Variants in DRD2 observed in about 807,000 individuals in gnomAD.
The protein encoded by DRD2 is dopamine receptor D2, also known as D(2) dopamine receptor.
DRD2 carries 8 observed loss-of-function variants against 38.0 expected under a neutral mutation model. The ratio of observed to expected loss-of-function variants is 0.21; its 90% confidence interval spans 0.12 to 0.38. The LOEUF (loss-of-function observed/expected upper bound fraction) is 0.38, where lower values mean the gene tolerates loss of function less well. Ranked by LOEUF, DRD2 falls within the 10% of genes least tolerant of loss-of-function variation. The pLI is 1.00. For synonymous variants in DRD2, 230 were observed against 238.6 expected (o/e 0.96, Z 0.33); for missense variants, 403 against 607.7 (o/e 0.66, Z 3.54).
At chr11:113,439,442 A>C (rs1384838536) in intron 1 of DRD2, among the ~76,000 whole-genome samples, 1 of 152,186 alleles carries the variant, frequency 6.6e-6, no homozygotes, top group Non-Finnish European at 1.5e-5. Flanking sequence ...AGTTGTTCCT[A>C]TTTTAATGGT....
In DRD2 at chr11:113,416,878, C is replaced by T. The variant is rs773041317; in HGVS notation, c.517G>A (p.Gly173Arg). 3.7e-6 allele frequency: 6 copies of T among 1,613,886 alleles called. No homozygotes were observed. The highest frequency in any genetic ancestry group is 1.3e-5 in the African/African-American group (1 of 74,938). The part of the protein sequence containing the change: ...SFTISCPLLF[G>R]LNNADQNECI... Reference sequence around the variant, plus strand: ...CAGAATGTACCTGCGTTATTGAGTCCGAAGAGGAGTGGGCAGGAGATGGTG... The same window carrying T: ...CAGAATGTACCTGCGTTATTGAGTCTGAAGAGGAGTGGGCAGGAGATGGTG... Residue 173 changes from glycine to arginine, a missense_variant, in exon 4 of 8, where the codon GGA becomes AGA. Gly to Arg is a moderately radical substitution (Grantham distance 125). Transcript: ENST00000362072.
Position 113,429,554 on chromosome 11 carries a change from C to T in DRD2, c.-31-4872G>A, listed in dbSNP as rs148535178. Among the ~76,000 whole-genome samples, 1,506 of 152,272 alleles carry T rather than the reference C, an allele frequency of 9.9e-3. 23 individuals are homozygous for T. The highest frequency in any genetic ancestry group is 0.051 in the Middle Eastern group (15 of 294). The stretch of plus-strand genomic sequence containing the variant: ...GCCACCGCACCCGGCCAGTACAGGG[C>T]TATCTTTTAACACCTGGTGTCAGTC... On this transcript the variant is annotated intron_variant, in intron 1 of 7. Transcript: ENST00000362072.
At chr11:113,455,794 T>C (rs1489804240) in intron 1 of DRD2, among the ~76,000 whole-genome samples, 1 of 152,232 alleles carries the variant, frequency 6.6e-6, no homozygotes, top group Non-Finnish European at 1.5e-5. Flanking sequence ...CCACAAATGG[T>C]AACAAGGATG....
chr11:113,469,546 TAC>T (rs1404576451), intron 1 of DRD2, among the ~76,000 whole-genome samples: 1 of 152,220 alleles, frequency 6.6e-6, no homozygotes, highest in Non-Finnish European at 1.5e-5. Context: ...GCAAACCACT[TAC>T]CTTTCTAAGC....
intron 1 of DRD2, among the ~76,000 whole-genome samples, chr11:113,425,794 T>A (rs1306821040): frequency 1.3e-5 from 2 of 151,488 alleles, no homozygotes; most frequent in African/African-American, 4.9e-5. Context: ...GCCTGCTAAA[T>A]GAGAGGGGTG....
At chr11:113,446,047 C>T (rs2119878696) in intron 1 of DRD2, among the ~76,000 whole-genome samples, 1 of 152,258 alleles carries the variant, frequency 6.6e-6, no homozygotes, top group African/African-American at 2.4e-5. Flanking sequence ...TTCTCTGTGT[C>T]TGACCTGCAA....
In DRD2 at chr11:113,417,017, C is replaced by T. The variant is rs1229433179; in HGVS notation, c.396-18G>A. The T allele has an allele frequency of 1.9e-6, 3 of 1,612,742 alleles. No individual in the cohort carries two copies. The highest frequency in any genetic ancestry group is 1.1e-5 in the South Asian group (1 of 90,880). On this transcript the variant is annotated intron_variant, in intron 3 of 7. Coordinates refer to ENST00000362072, the MANE Select transcript of DRD2 (RefSeq NM_000795.4). ...CTGTGTACCTGCAAGGGCGGGGGAC[C>T]CTGAATCTGGGGTGCAGGCCCAGGG... is the stretch of plus-strand genomic sequence containing the variant.
At chr11:113,437,679 T>C (rs967780213) in intron 1 of DRD2, among the ~76,000 whole-genome samples, 5 of 152,018 alleles carry the variant, frequency 3.3e-5, no homozygotes, top group South Asian at 2.1e-4. Flanking sequence ...GCACAGGGCA[T>C]GCTCGAGTCT....
chr11:113,412,419 G>T, intron 7 of DRD2, 137 bp downstream of exon 7: 1 of 1,059,542 alleles, frequency 9.4e-7, no homozygotes, highest in South Asian at 1.4e-5. Context: ...TAATAGGGCT[G>T]TCTGTATGTC....
rs886598492 is a variant in DRD2, at chr11:113,422,146, C to T, written c.285+2221G>A. 1.3e-5 allele frequency among the ~76,000 whole-genome samples: 2 copies of T among 152,206 alleles called. 1 individual carries two copies. On this transcript the variant is annotated intron_variant, in intron 2 of 7. Coordinates refer to ENST00000362072, the MANE Select transcript of DRD2 (RefSeq NM_000795.4). The stretch of plus-strand genomic sequence containing the variant: ...CCTCTGGGAAGAGGGTACCTACTTG[C>T]CTGGGGCGAACATAGGGAGTACTCT...
chr11:113,440,030 C>T (rs1951075404), intron 1 of DRD2, among the ~76,000 whole-genome samples: 1 of 152,028 alleles, frequency 6.6e-6, no homozygotes, highest in Non-Finnish European at 1.5e-5. Flanking sequence ...CTTGTCACTA[C>T]CATCCTGGTC....
In DRD2 at chr11:113,455,509, A is replaced by T. The variant is rs572949105; in HGVS notation, c.-32+19567T>A. Among the ~76,000 whole-genome samples, 146 of 152,318 alleles carry T rather than the reference A, an allele frequency of 9.6e-4. No individual in the cohort carries two copies. The South Asian group carries it at 0.013, about 14-fold the overall frequency. On this transcript the variant is annotated intron_variant, in intron 1 of 7. Transcript: ENST00000362072. ...ACGTAGTGAAGGAAACAATAAATTGAGAGAAAATATTTGCAAATCATACAT... is the reference window on the plus strand; with the variant it reads ...ACGTAGTGAAGGAAACAATAAATTGTGAGAAAATATTTGCAAATCATACAT...
intron 2 of DRD2, among the ~76,000 whole-genome samples, chr11:113,420,028 G>A (rs928153372): frequency 6.6e-6 from 1 of 152,172 alleles, no homozygotes; most frequent in African/African-American, 2.4e-5. Flanking sequence ...AGGCAGGAGG[G>A]TACGTAAAGG....
chr11:113,450,469 C>T (rs1264567998), intron 1 of DRD2, among the ~76,000 whole-genome samples: 1 of 152,240 alleles, frequency 6.6e-6, no homozygotes, highest in Admixed American at 6.5e-5. Flanking sequence ...GAACTCACAT[C>T]TCAACATTCT....
At chr11:113,439,295 T>G (rs1274904700) in intron 1 of DRD2, among the ~76,000 whole-genome samples, 1 of 152,166 alleles carries the variant, frequency 6.6e-6, no homozygotes, top group Non-Finnish European at 1.5e-5. Flanking sequence ...TTTGTTATGC[T>G]GGAGGAAGCT....
chr11:113,418,515 A>G (rs371633192), intron 2 of DRD2, among the ~76,000 whole-genome samples: 25 of 152,108 alleles, frequency 1.6e-4, no homozygotes, highest in Admixed American at 5.9e-4. Context: ...ATATTTTTCT[A>G]TCTTCTCTGA....
chr11:113,442,106 A>T (rs1951100402), intron 1 of DRD2, among the ~76,000 whole-genome samples: 1 of 152,232 alleles, frequency 6.6e-6, no homozygotes, highest in Non-Finnish European at 1.5e-5. Flanking sequence ...GCATGGGTGT[A>T]GGGGCATAGA....
At chr11:113,446,993 C>T (rs1951156993) in intron 1 of DRD2, among the ~76,000 whole-genome samples, 3 of 152,226 alleles carry the variant, frequency 2.0e-5, no homozygotes, top group Admixed American at 2.0e-4. Context: ...GCAGTCTTGA[C>T]TCCTAAGCAG....
intron 1 of DRD2, among the ~76,000 whole-genome samples, chr11:113,445,432 G>A (rs976710435): frequency 6.6e-6 from 1 of 152,082 alleles, no homozygotes; most frequent in Non-Finnish European, 1.5e-5. Context: ...AAATTATCTC[G>A]AATGGAAAAC....
Sources: gnomAD v4.1 joint callset for allele counts (sites outside exome capture counted in the v4.1 genomes callset) on GRCh38, gnomAD v4.1.1 for gene constraint, MANE v1.5 for transcripts, NCBI Gene and HGNC (gene_info 2026-07-23, HGNC 2026-07-21) for gene names.